Variants in UGT2A2 observed in about 807,000 individuals in gnomAD.
UGT2A2 encodes UDP-glucuronosyltransferase 2A2.
UGT2A2 carries 60 observed loss-of-function variants against 50.7 expected under a neutral mutation model. The observed-to-expected ratio is 1.18, with a 90% CI of 0.96 to 1.47. The LOEUF (loss-of-function observed/expected upper bound fraction) is 1.47. Ranked by LOEUF, UGT2A2 falls within the 40% of genes most tolerant of loss-of-function variation. The pLI, the probability that UGT2A2 is intolerant of heterozygous loss-of-function variation, is 0.00. For missense variants in UGT2A2, 762 were observed against 634.0 expected (o/e 1.20, Z -2.17); for synonymous variants, 242 against 214.6 (o/e 1.13, Z -1.11).
At chr4:69,616,240 G>C (rs1055356000) in intron 1 of UGT2A2, among the ~76,000 whole-genome samples, 1 of 151,810 alleles carries the variant, frequency 6.6e-6, no homozygotes, top group Non-Finnish European at 1.5e-5. Context: ...AAGGTCTTGG[G>C]GGGTGGGGAG....
intron 1 of UGT2A2, among the ~76,000 whole-genome samples, chr4:69,608,213 G>A (rs1237790012): frequency 3.4e-4 from 52 of 152,068 alleles, no homozygotes; most frequent in East Asian, 9.7e-4. Flanking sequence ...AATGTGGCAC[G>A]TATACACCAT....
At position 69,594,663 on chromosome 4, in the gene UGT2A2, C is replaced by T. The variant is rs759259336; in HGVS notation, c.1145G>A (p.Gly382Asp). Reference sequence around the variant, plus strand: ...AGCTTCGTAGATCCCATTAGTTCCACCATGAGTGATAAAAGCTTTGGTTTT... The same window carrying T: ...AGCTTCGTAGATCCCATTAGTTCCATCATGAGTGATAAAAGCTTTGGTTTT... ...HPKTKAFITH[G>D]GTNGIYEAIY... is the part of the protein sequence containing the mutation. The change falls in exon 5 of 6, where the codon GGT becomes GAT. Residue 382 changes from glycine (G) to aspartate (D), a missense_variant. Physicochemically the swap from Gly to Asp is moderately conservative, Grantham distance 94. Transcript: ENST00000604629. 1.9e-6 allele frequency: 3 copies of T among 1,614,026 alleles called. No individual in the cohort carries two copies. Among genetic ancestry groups the T allele is most frequent in the Middle Eastern group, 3.3e-4 (2 of 6,062 alleles).
At chr4:69,623,212 A>C (rs924023997) in intron 1 of UGT2A2, among the ~76,000 whole-genome samples, 1 of 151,784 alleles carries the variant, frequency 6.6e-6, no homozygotes, top group Non-Finnish European at 1.5e-5. Context: ...AAATCGTAGT[A>C]ATTGTGATTG....
At position 69,596,393 on chromosome 4, in the gene UGT2A2, A is replaced by T; in HGVS notation, c.892-12T>A. The stretch of plus-strand genomic sequence containing the variant: ...AATTCTTCCATTTCCTGCATACATA[A>T]TATATTTTCTATTACAAAGGTGTAG... On this transcript the variant is annotated splice_polypyrimidine_tract_variant and intron_variant, in intron 2 of 5. Coordinates refer to ENST00000604629, the MANE Select transcript of UGT2A2 (RefSeq NM_001105677.2). 6.4e-7 allele frequency: 1 copy of T among 1,555,970 alleles called. No homozygotes were observed. The highest frequency in any genetic ancestry group is 8.7e-7 in the Non-Finnish European group (1 of 1,150,028).
At position 69,599,302 on chromosome 4, in the gene UGT2A2, G is replaced by T. The variant is rs578228771; in HGVS notation, c.835C>A (p.Pro279Thr). Residue 279 changes from proline (P) to threonine (T), a missense_variant, in exon 2 of 6, where the codon CCT becomes ACT. Transcript: ENST00000604629. ...WDFEFPRPYL[P>T]NFEFVGGLHC... is the part of the protein sequence containing the mutation. ...AATCCTCCAACAAACTCAAAATTAG[G>T]TAAGTATGGACGAGGAAATTCAAAA... The T allele has an allele frequency of 5.6e-6, 9 of 1,613,794 alleles. No individual in the cohort carries two copies. The highest frequency in any genetic ancestry group is 1.1e-5 in the South Asian group (1 of 91,060).
chr4:69,615,199 C>A lies in UGT2A2; in HGVS notation c.743-15805G>T, dbSNP rs139426526. 6.0e-3 allele frequency among the ~76,000 whole-genome samples: 912 copies of A among 152,020 alleles called. 11 individuals are homozygous for A. Among genetic ancestry groups the A allele is most frequent in the African/African-American group, 0.02 (843 of 41,478 alleles). On this transcript the variant is annotated intron_variant, in intron 1 of 5. Coordinates refer to ENST00000604629, the MANE Select transcript of UGT2A2 (RefSeq NM_001105677.2). ...CTCACCATACACAAAAATCAAATCA[C>A]CCTGAAAAATTAAATCACTCTAATT... is the stretch of plus-strand genomic sequence containing the variant.
chr4:69,597,574 A>C (rs1280060687), intron 2 of UGT2A2, among the ~76,000 whole-genome samples: 1 of 152,192 alleles, frequency 6.6e-6, no homozygotes, highest in East Asian at 1.9e-4. Context: ...TAGCCAAATA[A>C]CTAGGGGAGG....
chr4:69,594,767 G>A (rs1718819741), intron 4 of UGT2A2, 71 bp from the exon 5 acceptor site: 4 of 1,508,682 alleles, frequency 2.7e-6, no homozygotes, highest in Admixed American at 4.3e-5. Context: ...AGACAGAAGG[G>A]GTCAAAAAGC....
In UGT2A2 at chr4:69,595,184, C is replaced by T. The variant is rs775235357; in HGVS notation, c.1089G>A (p.Trp363Ter). Reference sequence around the variant, plus strand: ...TACCAAGAAGATCATTCTGGGGTATCCAATCAAAGAGCTGAGTATTGTTTC... The same window carrying T: ...TACCAAGAAGATCATTCTGGGGTATTCAATCAAAGAGCTGAGTATTGTTTC... ...TLGNNTQLFDWIPQNDLLGHP... is the reference protein window; with the variant it reads ...TLGNNTQLFD Residue 363 changes from tryptophan (W) to a stop codon, truncating the protein, a stop_gained, in exon 4 of 6, where the codon TGG becomes TGA. Transcript: ENST00000604629. LOFTEE classifies it high-confidence loss of function. 1.1e-5 allele frequency: 17 copies of T among 1,613,794 alleles called. No homozygotes were observed. The South Asian group carries it at 1.2e-4, about 11-fold the overall frequency.
intron 1 of UGT2A2, among the ~76,000 whole-genome samples, chr4:69,612,857 C>T (rs79373788): frequency 0.18 from 27,151 of 146,786 alleles, 2,812 homozygotes; most frequent in Non-Finnish European, 0.24. Flanking sequence ...GCAATTGCAA[C>T]TGAAACAAAA....
chr4:69,592,530 T>C (rs1181155545), intron 5 of UGT2A2, among the ~76,000 whole-genome samples: 1 of 152,136 alleles, frequency 6.6e-6, no homozygotes, highest in Non-Finnish European at 1.5e-5. Flanking sequence ...AGGAGATAGG[T>C]GAGCTGATGA....
At chr4:69,609,143 A>G (rs1719872074) in intron 1 of UGT2A2, among the ~76,000 whole-genome samples, 1 of 131,458 alleles carries the variant, frequency 7.6e-6, no homozygotes. Context: ...AGGCTCATCT[A>G]GAATATATAA....
intron 1 of UGT2A2, among the ~76,000 whole-genome samples, chr4:69,607,796 G>A (rs561943496): frequency 2.0e-5 from 3 of 152,318 alleles, no homozygotes; most frequent in Non-Finnish European, 2.9e-5. Context: ...AGACATTTAT[G>A]CAGCCAAAAG....
chr4:69,630,444 T>A (rs988142018), intron 1 of UGT2A2, among the ~76,000 whole-genome samples: 8 of 152,092 alleles, frequency 5.3e-5, no homozygotes, highest in African/African-American at 1.7e-4. Flanking sequence ...CAAGCCATAG[T>A]TTTTATCAAC....
intron 5 of UGT2A2, among the ~76,000 whole-genome samples, 171 bp from the exon 6 acceptor site, chr4:69,589,822 GGAAGATATGGAT>G (rs1718487742): frequency 6.6e-6 from 1 of 152,122 alleles, no homozygotes; most frequent in South Asian, 2.1e-4. Flanking sequence ...GTTACAAAAA[GGAAGATATGGAT>G]GAAATATATG....
chr4:69,621,439 A>G (rs1720749482), intron 1 of UGT2A2, among the ~76,000 whole-genome samples: 1 of 152,024 alleles, frequency 6.6e-6, no homozygotes, highest in Non-Finnish European at 1.5e-5. Context: ...GAAAATCAAA[A>G]CCACAGTGAG....
chr4:69,627,635 T>C (rs575728851), intron 1 of UGT2A2, among the ~76,000 whole-genome samples: 1 of 148,984 alleles, frequency 6.7e-6, no homozygotes, highest in African/African-American at 2.5e-5. Flanking sequence ...AAAAAGAAAA[T>C]CTCCTAAGGC....
chr4:69,620,932 C>G (rs28798793), intron 1 of UGT2A2, among the ~76,000 whole-genome samples: 53,493 of 151,778 alleles, frequency 0.35, 9,768 homozygotes, highest in African/African-American at 0.43. Flanking sequence ...ATGGTGCTGG[C>G]ATAAATGGCT....
chr4:69,632,513 C>T (rs1275733408), intron 1 of UGT2A2, among the ~76,000 whole-genome samples: 2 of 151,988 alleles, frequency 1.3e-5, no homozygotes, highest in Non-Finnish European at 2.9e-5. Flanking sequence ...CTATTTATGA[C>T]CAACTAAAAA....
Sources: gnomAD v4.1 joint callset for allele counts (sites outside exome capture counted in the v4.1 genomes callset) on GRCh38, gnomAD v4.1.1 for gene constraint, MANE v1.5 for transcripts, NCBI Gene and HGNC (gene_info 2026-07-23, HGNC 2026-07-21) for gene names.